Variants in TNRC18 observed in about 807,000 individuals in gnomAD.
The protein encoded by TNRC18 is trinucleotide repeat-containing gene 18 protein.
In TNRC18, 69 loss-of-function variants were observed where a neutral mutation model predicts 226.7. The observed-to-expected ratio is 0.30, with a 90% CI of 0.25 to 0.37. The LOEUF (loss-of-function observed/expected upper bound fraction) is 0.37. TNRC18 is among the 10% of genes least tolerant of loss of function. The probability of loss-of-function intolerance (pLI) is 1.00; values close to 1 mark genes in which losing one functional copy is unlikely to be tolerated. For missense variants in TNRC18, 4,754 were observed against 4,256.6 expected (o/e 1.12, Z -3.25); for synonymous variants, 2,449 against 1,927.6 (o/e 1.27, Z -7.09).
In TNRC18 at chr7:5,324,334, C is replaced by T. The variant is rs1220874872; in HGVS notation, c.6322G>A (p.Val2108Met). The change falls in exon 21 of 30, where the codon GTG becomes ATG. Residue 2108 changes from valine (V) to methionine (M), a missense_variant. Physicochemically the swap from Val to Met is conservative, Grantham distance 21. Transcript: ENST00000430969. This position sits in a 1 kb window ranked among gnomAD's most constrained non-coding sequence, Gnocchi z 4.8. ...GCCATGCTCTCCATCAGCTTGCTCA[C>T]GGCACCCCCCTTGCCGCGGTTCTGG... ...KKENRGKGGAVSKLMESMAAE... is the reference protein window; with the variant it reads ...KKENRGKGGAMSKLMESMAAE... 7 of 1,613,608 alleles carry T rather than the reference C, an allele frequency of 4.3e-6. No homozygotes were observed. The highest frequency in any genetic ancestry group is 5.1e-6 in the Non-Finnish European group (6 of 1,179,724).
chr7:5,314,857 G>T, intron 26 of TNRC18, 127 bp downstream of exon 26: 1 of 1,046,484 alleles, frequency 9.6e-7, no homozygotes, highest in Non-Finnish European at 1.4e-6. Context: ...ACAGGTGTGA[G>T]GCACTGCACC....
In TNRC18 at chr7:5,357,148, C is replaced by T. The variant is rs770328144; in HGVS notation, c.4962G>A (p.Gly1654=). ...SPFKFSDSAG[G]KSKTSGGCGR... is the part of the protein sequence containing the mutation. ...CGCAGCCCCCGCTAGTTTTCGATTTCCCCCCAGCACTGTCCGAAAACTTGA... is the reference window on the plus strand; with the variant it reads ...CGCAGCCCCCGCTAGTTTTCGATTTTCCCCCAGCACTGTCCGAAAACTTGA... The change falls in exon 16 of 30, where the codon GGG becomes GGA. Residue 1654 remains glycine (G), a synonymous_variant. Transcript: ENST00000430969. 71 of 1,576,744 alleles carry T rather than the reference C, an allele frequency of 4.5e-5. No homozygotes were observed. Among genetic ancestry groups the T allele is most frequent in the Non-Finnish European group, 5.6e-5 (65 of 1,160,498 alleles).
At chr7:5,376,406 T>A (rs1377940890) in intron 8 of TNRC18, among the ~76,000 whole-genome samples, 182 bp from the exon 9 acceptor site, 4 of 152,168 alleles carry the variant, frequency 2.6e-5, no homozygotes, top group African/African-American at 4.8e-5. Flanking sequence ...GGGCCACGTG[T>A]GCACCCCAGG....
In TNRC18 at chr7:5,332,954, G is replaced by A; in HGVS notation, c.5815C>T (p.Pro1939Ser). The change falls in exon 19 of 30, where the codon CCG becomes TCG. Residue 1939 changes from proline to serine, a missense_variant. Transcript: ENST00000430969. ...LLRPKKGLGE[P>S]GPSLAAPTPG... ...GTGGGTGCGGCCAGGGAGGGTCCCG[G>A]CTCCCCCAGCCCCTTCTTGGGCCGC... The A allele has an allele frequency of 1.3e-6, 2 of 1,555,020 alleles. No individual in the cohort carries two copies. Among genetic ancestry groups the A allele is most frequent in the African/African-American group, 1.4e-5 (1 of 73,888 alleles).
intron 19 of TNRC18, among the ~76,000 whole-genome samples, chr7:5,326,398 C>A (rs1788913648): frequency 6.6e-6 from 1 of 152,168 alleles, no homozygotes; most frequent in Non-Finnish European, 1.5e-5. Context: ...CTTTAACCAC[C>A]CCCGCGATGA....
At chr7:5,365,616 T>A (rs116785897) in intron 11 of TNRC18, among the ~76,000 whole-genome samples, 10 of 151,962 alleles carry the variant, frequency 6.6e-5, no homozygotes, top group African/African-American at 2.4e-4. Context: ...AATTTTTCAA[T>A]TGACATTTCA....
Position 5,312,901 on chromosome 7 carries a change from AG to A in TNRC18, c.7989del (p.Ser2664ProfsTer137). ...GTGGAGGAAGAAGAGGAGGAAGAGG[AG>A]GAGGAGGAGGAGGATGAGGACGAGG... Reference protein sequence around the residue: ...SSSSSSSSSSSSSSSSSSSTT... With the variant: ...SSSSSSSSSSXSSSSSSSSTT... On this transcript the variant is annotated frameshift_variant, in exon 27 of 30. Transcript: ENST00000430969. LOFTEE classifies it high-confidence loss of function. The surrounding 1 kb of genome is among the most constrained non-coding windows in gnomAD (Gnocchi z 6.3). The A allele has an allele frequency of 6.6e-7, 1 of 1,511,376 alleles. No individual in the cohort carries two copies. Among genetic ancestry groups the A allele is most frequent in the Admixed American group, 2.1e-5 (1 of 48,492 alleles). 93.6% of individuals were successfully genotyped at this position (1,511,376 alleles called of 1,614,324 possible).
At chr7:5,361,814 G>T in intron 13 of TNRC18, 83 bp downstream of exon 13, 1 of 1,518,740 alleles carries the variant, frequency 6.6e-7, no homozygotes, top group Non-Finnish European at 8.8e-7. Context: ...CCGGGTCCAC[G>T]CACACCTCGA....
At chr7:5,407,344 A>T (rs1028845911) in intron 2 of TNRC18, 3 of 152,312 alleles carry the variant, frequency 2.0e-5, no homozygotes, top group African/African-American at 7.2e-5. Context: ...GCCCTGCCCC[A>T]CCTGGGGCAG....
rs1167401441 is a variant in TNRC18 at position 5,309,663 on chromosome 7, C to T, written c.8389-295G>A. On this transcript the variant is annotated intron_variant, in intron 27 of 29. Coordinates refer to ENST00000430969, the MANE Select transcript of TNRC18 (RefSeq NM_001080495.3). The surrounding 1 kb of genome is among the most constrained non-coding windows in gnomAD (Gnocchi z 5.7). ...TGTTGCCCAGGCTGGAGCGCAGTGGCGCCATCATGACTCACTGCAGCCACG... is the reference window on the plus strand; with the variant it reads ...TGTTGCCCAGGCTGGAGCGCAGTGGTGCCATCATGACTCACTGCAGCCACG... Among the ~76,000 whole-genome samples, 1 of 152,210 alleles carries T rather than the reference C, an allele frequency of 6.6e-6. No individual in the cohort carries two copies. Among genetic ancestry groups the T allele is most frequent in the Non-Finnish European group, 1.5e-5 (1 of 68,046 alleles).
chr7:5,377,314 C>A lies in TNRC18; in HGVS notation c.2461+57G>T. 8.1e-7 allele frequency: 1 copy of A among 1,231,890 alleles called. No individual in the cohort carries two copies. The highest frequency in any genetic ancestry group is 1.1e-6 in the Non-Finnish European group (1 of 891,974). 76.3% of individuals were successfully genotyped at this position (1,231,890 alleles called of 1,614,324 possible). A position where few individuals can be genotyped will look rare whatever the true frequency, so the allele number is the denominator to read the frequency against. On this transcript the variant is annotated intron_variant, in intron 7 of 29. Transcript: ENST00000430969. This position sits in a 1 kb window ranked among gnomAD's most constrained non-coding sequence, Gnocchi z 5.8. ...CCAGCCCTGAGCTCTTGTCCTGCAC[C>A]CGCCCCCTCCCACCCCTCCCTCAGA...
chr7:5,365,735 T>C lies in TNRC18; in HGVS notation c.4220-2910A>G, dbSNP rs368209201. The stretch of plus-strand genomic sequence containing the variant: ...TCCCAAAGTACTGGGATTGCAGACG[T>C]GAGCCACCATGCCCGGCTGACATTT... On this transcript the variant is annotated intron_variant, in intron 11 of 29. Coordinates refer to ENST00000430969, the MANE Select transcript of TNRC18 (RefSeq NM_001080495.3). 4.6e-5 allele frequency among the ~76,000 whole-genome samples: 7 copies of C among 152,222 alleles called. No homozygotes were observed. The South Asian group carries it at 8.3e-4, about 18-fold the overall frequency.
chr7:5,387,621 G>C, intron 5 of TNRC18, 51 bp downstream of exon 5: 8 of 1,594,552 alleles, frequency 5.0e-6, no homozygotes, highest in South Asian at 1.1e-5. Context: ...TACGGGAAAC[G>C]GCAGAGAGAC....
intron 19 of TNRC18, among the ~76,000 whole-genome samples, chr7:5,327,017 G>A (rs1188786374): frequency 1.2e-4 from 18 of 151,974 alleles, no homozygotes; most frequent in African/African-American, 4.1e-4. Flanking sequence ...CCAGCTACTC[G>A]GGAGGCTGAG....
chr7:5,401,995 G>A (rs1029755320), intron 2 of TNRC18, among the ~76,000 whole-genome samples: 66 of 152,028 alleles, frequency 4.3e-4, no homozygotes, highest in African/African-American at 1.5e-3. Context: ...CTAACACGGT[G>A]AAACCCCGTC....
chr7:5,344,673 C>A (rs1033678513), intron 18 of TNRC18, among the ~76,000 whole-genome samples: 3 of 152,196 alleles, frequency 2.0e-5, no homozygotes, highest in African/African-American at 7.2e-5. Context: ...CCTACTGTGG[C>A]TCAGAAAAGG....
intron 11 of TNRC18, among the ~76,000 whole-genome samples, chr7:5,364,462 A>ACACACACACACAC (rs778462099): frequency 8.6e-6 from 1 of 116,638 alleles, no homozygotes; most frequent in Non-Finnish European, 1.8e-5. Flanking sequence ...TCTCAAAGAA[A>ACACACACACACAC]ACACACACAC....
chr7:5,361,629 G>A lies in TNRC18; in HGVS notation c.4626C>T (p.Pro1542=). ...TGTGGCCGCTCTTCCCTCTCTTGCG[G>A]GGGGGCGACAGGGCGCTCGGGGCGT... ...RTHAPSALSP[P]RKRGKSGHSS... The change falls in exon 14 of 30, where the codon CCC becomes CCT. Residue 1542 remains proline, a synonymous_variant. Transcript: ENST00000430969. 1.9e-6 allele frequency: 3 copies of A among 1,548,060 alleles called. No individual in the cohort carries two copies. Among genetic ancestry groups the A allele is most frequent in the South Asian group, 2.4e-5 (2 of 83,616 alleles).
chr7:5,405,382 A>G (rs1781395489), intron 2 of TNRC18, among the ~76,000 whole-genome samples: 1 of 152,330 alleles, frequency 6.6e-6, no homozygotes, highest in East Asian at 1.9e-4. Context: ...AAGCCTGGCC[A>G]ACATGGTAAA....
Sources: gnomAD v4.1 joint callset for allele counts (sites outside exome capture counted in the v4.1 genomes callset) on GRCh38, gnomAD v4.1.1 for gene constraint, Gnocchi (gnomAD v3.1) non-coding constraint, MANE v1.5 for transcripts, NCBI Gene and HGNC (gene_info 2026-07-23, HGNC 2026-07-21) for gene names.